Variants in SH3BGRL2 observed in about 807,000 individuals in gnomAD.
The protein encoded by SH3BGRL2 is SH3 domain-binding glutamic acid-rich-like protein 2.
Under a neutral mutation model 14.8 loss-of-function variants are expected in SH3BGRL2, and 21 were observed. The observed-to-expected ratio is 1.42, with a 90% CI of 1.01 to 2.05. The LOEUF is 2.05. SH3BGRL2 is among the 30% of genes most tolerant of loss of function. SH3BGRL2 has a pLI of 0.00. For synonymous variants in SH3BGRL2, 50 were observed against 47.8 expected, an observed-to-expected ratio of 1.05 and a Z score of -0.19; for missense variants, 147 against 130.8, an observed-to-expected ratio of 1.12 and a Z score of -0.61.
the SH3BGRL2 span, among the ~76,000 whole-genome samples, chr6:79,572,594 G>GT: frequency 2.0e-5 from 3 of 152,122 alleles, no homozygotes; most frequent in African/African-American, 7.2e-5. Flanking sequence ...GGCTCCCGAG[G>GT]AGCTGGGAGT....
chr6:79,583,363 C>T, the SH3BGRL2 span, among the ~76,000 whole-genome samples: 1 of 152,168 alleles, frequency 6.6e-6, no homozygotes, highest in Non-Finnish European at 1.5e-5. Context: ...TTTACAATAG[C>T]AAAGACTTGG....
intron 1 of SH3BGRL2, among the ~76,000 whole-genome samples, chr6:79,640,739 A>T (rs1388831231): frequency 6.6e-6 from 1 of 151,990 alleles, no homozygotes; most frequent in Non-Finnish European, 1.5e-5. Flanking sequence ...CTTGGAGCAG[A>T]CAGGGAACGT....
intron 1 of SH3BGRL2, among the ~76,000 whole-genome samples, chr6:79,651,661 A>T (rs536130321): frequency 2.0e-5 from 3 of 152,300 alleles, no homozygotes; most frequent in African/African-American, 7.2e-5. Flanking sequence ...ACTGAGACCC[A>T]TGGGGGTGCA....
the SH3BGRL2 span, among the ~76,000 whole-genome samples, chr6:79,600,587 C>T: frequency 6.6e-6 from 1 of 152,070 alleles, no homozygotes; most frequent in Admixed American, 6.6e-5. Flanking sequence ...CCCACAGAAC[C>T]AGGCATGGGG....
chr6:79,701,989 A>G lies in SH3BGRL2; in HGVS notation c.*2480A>G, dbSNP rs1770467498. 6.6e-6 allele frequency: 1 copy of G among 152,612 alleles called. No homozygotes were observed. Among genetic ancestry groups the G allele is most frequent in the African/African-American group, 2.4e-5 (1 of 41,442 alleles). 9.5% of individuals were successfully genotyped at this position (152,612 alleles called of 1,614,324 possible). On this transcript the variant is annotated 3_prime_UTR_variant, in exon 4 of 4. Transcript: ENST00000369838. ...GTAGTAGGCTTGCTGGAGCAAAGGA[A>G]ATGTGCTGCTAAAAATCAACTTATG...
At chr6:79,610,326 T>A in the SH3BGRL2 span, among the ~76,000 whole-genome samples, 1 of 152,212 alleles carries the variant, frequency 6.6e-6, no homozygotes, top group Non-Finnish European at 1.5e-5. Context: ...TGGAATTATG[T>A]GCCATTGTTT....
intron 1 of SH3BGRL2, among the ~76,000 whole-genome samples, chr6:79,662,152 G>T (rs1373819807): frequency 6.6e-6 from 1 of 152,052 alleles, no homozygotes; most frequent in Non-Finnish European, 1.5e-5. Flanking sequence ...TACATTTAAG[G>T]TTAATATTGT....
chr6:79,696,030 G>A (rs1323166446), intron 2 of SH3BGRL2, among the ~76,000 whole-genome samples: 1 of 152,136 alleles, frequency 6.6e-6, no homozygotes, highest in Non-Finnish European at 1.5e-5. Flanking sequence ...AGCAGAATAA[G>A]ACACACTTTC....
chr6:79,557,956 T>G, the SH3BGRL2 span, among the ~76,000 whole-genome samples: 1 of 152,226 alleles, frequency 6.6e-6, no homozygotes, highest in African/African-American at 2.4e-5. Context: ...CAAGGACTTA[T>G]GATCATTCAA....
the SH3BGRL2 span, among the ~76,000 whole-genome samples, chr6:79,549,760 A>C: frequency 6.6e-6 from 1 of 152,224 alleles, no homozygotes; most frequent in African/African-American, 2.4e-5. Context: ...GAGTTAATAG[A>C]TACTGTCTAA....
intron 1 of SH3BGRL2, among the ~76,000 whole-genome samples, chr6:79,649,700 C>A (rs949956177): frequency 2.0e-5 from 3 of 152,036 alleles, no homozygotes; most frequent in African/African-American, 7.3e-5. Context: ...CATTTTAGCC[C>A]CCATGCACTT....
At chr6:79,644,746 A>G (rs890899499) in intron 1 of SH3BGRL2, among the ~76,000 whole-genome samples, 6 of 152,180 alleles carry the variant, frequency 3.9e-5, no homozygotes, top group South Asian at 2.1e-4. Flanking sequence ...AATTGCAGCC[A>G]TTATTATTAT....
chr6:79,582,305 C>CA, the SH3BGRL2 span, among the ~76,000 whole-genome samples: 1 of 151,954 alleles, frequency 6.6e-6, no homozygotes, highest in Non-Finnish European at 1.5e-5. Context: ...CATATGGAAC[C>CA]AAAAAAGAGC....
chr6:79,590,424 G>GAGATATATATATATATAT, the SH3BGRL2 span, among the ~76,000 whole-genome samples: 15 of 66,684 alleles, frequency 2.2e-4, no homozygotes, highest in African/African-American at 9.9e-4. Context: ...AAGAAAATGT[G>GAGATATATATATATATAT]ATATATATAT....
At chr6:79,675,300 G>T (rs1053271696) in intron 2 of SH3BGRL2, among the ~76,000 whole-genome samples, 1 of 152,140 alleles carries the variant, frequency 6.6e-6, no homozygotes, top group East Asian at 1.9e-4. Context: ...TTGATTCAGT[G>T]TCCTCTGGTT....
the SH3BGRL2 span, among the ~76,000 whole-genome samples, chr6:79,582,672 C>A: frequency 6.7e-6 from 1 of 149,790 alleles, no homozygotes; most frequent in African/African-American, 2.4e-5. Flanking sequence ...AGACCTAAAA[C>A]CATAAAACCC....
At position 79,642,050 on chromosome 6, in the gene SH3BGRL2, G is replaced by A. The variant is rs1481386221; in HGVS notation, c.45+10544G>A. On this transcript the variant is annotated intron_variant, in intron 1 of 3. Transcript: ENST00000369838. ...AGATCATATTTTCACTCCCTATAAA[G>A]TGCTTACTACTATGCACATAGTCAC... Among the ~76,000 whole-genome samples the A allele has an allele frequency of 6.6e-5, 10 of 152,226 alleles. No homozygotes were observed. In the East Asian group the frequency reaches 1.4e-3, roughly 21 times the overall value.
intron 1 of SH3BGRL2, among the ~76,000 whole-genome samples, chr6:79,663,080 G>T (rs753126200): frequency 6.6e-6 from 1 of 152,100 alleles, no homozygotes; most frequent in African/African-American, 2.4e-5. Flanking sequence ...GCTTCCTTGC[G>T]AAGGGTTAGA....
At chr6:79,665,565 A>G (rs189127553) in intron 1 of SH3BGRL2, among the ~76,000 whole-genome samples, 387 of 152,302 alleles carry the variant, frequency 2.5e-3, no homozygotes, top group African/African-American at 9.1e-3. Flanking sequence ...AAAGAAACCA[A>G]TGCAAATTGA....
Sources: allele counts gnomAD v4.1 joint callset (sites outside exome capture counted in the v4.1 genomes callset), GRCh38; gene constraint gnomAD v4.1.1; transcripts MANE v1.5; gene names NCBI Gene and HGNC (gene_info 2026-07-23, HGNC 2026-07-21).